Variants in CRIM1 observed in about 807,000 individuals in gnomAD.
The protein encoded by CRIM1 is cysteine-rich motor neuron 1 protein.
Under a neutral mutation model 116.4 loss-of-function variants are expected in CRIM1, and 32 were observed. The observed-to-expected ratio is 0.27, with a 90% CI of 0.21 to 0.37. The LOEUF (loss-of-function observed/expected upper bound fraction) is 0.37, where lower values mean the gene tolerates loss of function less well. CRIM1 is among the 10% of genes least tolerant of loss of function. The pLI, the probability that CRIM1 is intolerant of heterozygous loss-of-function variation, is 1.00. For synonymous variants in CRIM1, 590 were observed against 509.2 expected (o/e 1.16, Z -2.13); for missense variants, 1,331 against 1,354.8 (o/e 0.98, Z 0.28).
intron 1 of CRIM1, among the ~76,000 whole-genome samples, chr2:36,371,397 C>T (rs890742583): frequency 7.2e-5 from 11 of 152,096 alleles, no homozygotes; most frequent in Non-Finnish European, 8.8e-5. Flanking sequence ...GTTATTCTAG[C>T]GCTTGGCACA....
At chr2:36,510,728 A>G (rs1664608288) in intron 9 of CRIM1, among the ~76,000 whole-genome samples, 1 of 152,128 alleles carries the variant, frequency 6.6e-6, no homozygotes, top group African/African-American at 2.4e-5. Context: ...ATGAGAATCT[A>G]GATTATTCCA....
chr2:36,463,454 C>T (rs1017618891), intron 4 of CRIM1, among the ~76,000 whole-genome samples: 44 of 152,180 alleles, frequency 2.9e-4, no homozygotes, highest in Admixed American at 2.7e-3. Context: ...TAAATACCCA[C>T]ATACTTCCTG....
chr2:36,458,300 C>T (rs1255353076), intron 4 of CRIM1, among the ~76,000 whole-genome samples: 3 of 152,014 alleles, frequency 2.0e-5, no homozygotes, highest in South Asian at 2.1e-4. Context: ...GGTGACGGGG[C>T]GAGGCAGAGG....
chr2:36,464,171 G>T (rs1287441739), intron 4 of CRIM1, among the ~76,000 whole-genome samples: 1 of 152,190 alleles, frequency 6.6e-6, no homozygotes, highest in Non-Finnish European at 1.5e-5. Flanking sequence ...TGCAAGCATC[G>T]ATTCACAGAA....
chr2:36,536,581 T>C (rs548648541), intron 13 of CRIM1, among the ~76,000 whole-genome samples: 1 of 152,248 alleles, frequency 6.6e-6, no homozygotes, highest in East Asian at 1.9e-4. Flanking sequence ...GAGGGAAATT[T>C]CTGTGTGTGA....
intron 4 of CRIM1, among the ~76,000 whole-genome samples, chr2:36,462,501 C>T (rs1454301252): frequency 6.6e-6 from 1 of 152,172 alleles, no homozygotes; most frequent in African/African-American, 2.4e-5. Flanking sequence ...CGTAAGTGCA[C>T]GTGTTCAGTA....
At chr2:36,471,198 T>C (rs1678485882) in intron 5 of CRIM1, among the ~76,000 whole-genome samples, 2 of 152,182 alleles carry the variant, frequency 1.3e-5, no homozygotes, top group Admixed American at 6.5e-5. Flanking sequence ...TGTGACAACA[T>C]CTTCACCAGA....
chr2:36,531,450 A>G (rs1429244790), intron 13 of CRIM1, among the ~76,000 whole-genome samples: 1 of 150,892 alleles, frequency 6.6e-6, no homozygotes, highest in Admixed American at 6.6e-5. Flanking sequence ...CATCATGGTC[A>G]GTTTCAGAGC....
chr2:36,451,592 A>G (rs1676728420), intron 4 of CRIM1, among the ~76,000 whole-genome samples: 1 of 152,198 alleles, frequency 6.6e-6, no homozygotes, highest in African/African-American at 2.4e-5. Flanking sequence ...CAGCAGGATC[A>G]AGAATCCTTT....
chr2:36,442,671 C>A lies in CRIM1; in HGVS notation c.805C>A (p.Pro269Thr), dbSNP rs369675156. The part of the protein sequence containing the change: ...ECPPVQQTAC[P>T]PDSYETQVRL... The stretch of plus-strand genomic sequence containing the variant: ...CCCTCCTGTTCAGCAGACCGCGTGT[C>A]CCCCGGACAGCTATGAAACTCAAGT... The change falls in exon 4 of 17, where the codon CCC becomes ACC. Residue 269 changes from proline (P) to threonine (T), a missense_variant. Around this residue, in one of 3 missense-constraint regions of CRIM1, gnomAD observed 690 missense variants for 676.0 expected, o/e 1.02. Coordinates refer to ENST00000280527, the MANE Select transcript of CRIM1 (RefSeq NM_016441.3). 24 of 1,613,966 alleles carry A rather than the reference C, an allele frequency of 1.5e-5. 1 individual carries two copies. In the South Asian group the frequency reaches 2.6e-4, roughly 18 times the overall value.
intron 4 of CRIM1, among the ~76,000 whole-genome samples, chr2:36,463,058 A>G (rs1009675936): frequency 1.3e-5 from 2 of 152,174 alleles, no homozygotes; most frequent in Non-Finnish European, 2.9e-5. Flanking sequence ...CAAAACCTGA[A>G]TGACCTAACA....
intron 1 of CRIM1, among the ~76,000 whole-genome samples, chr2:36,374,128 C>T (rs1206871824): frequency 1.3e-5 from 2 of 152,190 alleles, no homozygotes; most frequent in African/African-American, 4.8e-5. Flanking sequence ...AGGATTGATG[C>T]AGATATTCCT....
At chr2:36,454,676 T>C (rs1369840108) in intron 4 of CRIM1, among the ~76,000 whole-genome samples, 1 of 152,220 alleles carries the variant, frequency 6.6e-6, no homozygotes, top group Admixed American at 6.5e-5. Context: ...TTTAAATTAG[T>C]CACTGATATT....
At chr2:36,424,226 A>G (rs767730945) in intron 2 of CRIM1, among the ~76,000 whole-genome samples, 7 of 152,238 alleles carry the variant, frequency 4.6e-5, no homozygotes, top group Non-Finnish European at 1.0e-4. Context: ...CATAAAGTCT[A>G]CGAAAATAGA....
chr2:36,514,312 G>C (rs1432869313), intron 11 of CRIM1, among the ~76,000 whole-genome samples: 2 of 152,144 alleles, frequency 1.3e-5, no homozygotes, highest in Non-Finnish European at 2.9e-5. Context: ...ATGGTAATCA[G>C]GATAAGTTAC....
intron 1 of CRIM1, among the ~76,000 whole-genome samples, chr2:36,387,919 T>C (rs1360912773): frequency 6.6e-6 from 1 of 152,164 alleles, no homozygotes; most frequent in African/African-American, 2.4e-5. Context: ...GGACTTACTC[T>C]GTTGCTCTTT....
intron 11 of CRIM1, 27 bp downstream of exon 11, chr2:36,513,792 T>C: frequency 6.2e-7 from 1 of 1,601,752 alleles, no homozygotes; most frequent in South Asian, 1.1e-5. Context: ...ATCTGTGTGC[T>C]CCATAAGCAA....
chr2:36,426,275 T>C (rs535974652), intron 2 of CRIM1, among the ~76,000 whole-genome samples: 3 of 152,336 alleles, frequency 2.0e-5, no homozygotes, highest in African/African-American at 7.2e-5. Context: ...GGGACAATTA[T>C]GATCCATCCG....
intron 1 of CRIM1, 62 bp from the exon 2 acceptor site, chr2:36,396,552 C>T (rs760353873): frequency 3.2e-5 from 38 of 1,192,148 alleles, no homozygotes; most frequent in Non-Finnish European, 4.1e-5. Context: ...CGTTTTTGCC[C>T]GCGAACAGGC....
Sources: allele counts gnomAD v4.1 joint callset (sites outside exome capture counted in the v4.1 genomes callset), GRCh38; gene constraint gnomAD v4.1.1; regional missense constraint gnomAD v4.1.1; transcripts MANE v1.5; gene names NCBI Gene and HGNC (gene_info 2026-07-23, HGNC 2026-07-21).